The following EGFL7 variants were observed in gnomAD, a reference collection of about 807,000 sequenced individuals.
The protein encoded by EGFL7 is epidermal growth factor-like protein 7.
In EGFL7, 48 loss-of-function variants were observed where a neutral mutation model predicts 37.1. The ratio of observed to expected loss-of-function variants is 1.29; its 90% CI spans 1.03 to 1.65. The LOEUF (loss-of-function observed/expected upper bound fraction) is 1.65. EGFL7 is among the 40% of genes most tolerant of loss of function. The pLI is 0.00. For missense variants in EGFL7, 384 were observed against 378.9 expected, an observed-to-expected ratio of 1.01 and a Z score of -0.11; for synonymous variants, 180 against 156.8, an observed-to-expected ratio of 1.15 and a Z score of -1.10.
chr9:136,668,799 G>A lies in EGFL7; in HGVS notation c.197+126G>A. The A allele has an allele frequency of 3.3e-6, 3 of 906,708 alleles. No homozygotes were observed. In the South Asian group the frequency reaches 4.4e-5, roughly 13 times the overall value. 56.2% of individuals were successfully genotyped at this position (906,708 alleles called of 1,614,324 possible). A position where few individuals can be genotyped will look rare whatever the true frequency, so the allele number is the denominator to read the frequency against. On this transcript the variant is annotated intron_variant, in intron 5 of 10. Coordinates refer to ENST00000308874, the MANE Select transcript of EGFL7 (RefSeq NM_016215.5). Reference sequence around the variant, plus strand: ...GATGGGAAACTGAGGCCAGAGCCATGAGAGGGCTGCCTGAGATGGGCGACC... The same window carrying A: ...GATGGGAAACTGAGGCCAGAGCCATAAGAGGGCTGCCTGAGATGGGCGACC...
upstream of EGFL7, among the ~76,000 whole-genome samples, chr9:136,660,705 C>T (rs369926126): frequency 5.5e-4 from 84 of 152,202 alleles, no homozygotes; most frequent in East Asian, 0.016. Flanking sequence ...ATTCCTGCCC[C>T]GAGCTGTCCC....
chr9:136,670,548 C>G, intron 8 of EGFL7: 1 of 795,966 alleles, frequency 1.3e-6, no homozygotes, highest in Non-Finnish European at 2.3e-6. Flanking sequence ...AGAAGTGCCC[C>G]GTCCCGGGGT....
Position 136,672,676 on chromosome 9 carries a change from T to C in EGFL7, c.*390T>C, listed in dbSNP as rs1845997058. The C allele has an allele frequency of 3.6e-6, 1 of 280,888 alleles. No individual in the cohort carries two copies. Among genetic ancestry groups the C allele is most frequent in the Admixed American group, 4.6e-5 (1 of 21,538 alleles). 17.4% of individuals were successfully genotyped at this position (280,888 alleles called of 1,614,324 possible). A position where few individuals can be genotyped will look rare whatever the true frequency, so the allele number is the denominator to read the frequency against. On this transcript the variant is annotated 3_prime_UTR_variant, in exon 11 of 11. Coordinates refer to ENST00000308874, the MANE Select transcript of EGFL7 (RefSeq NM_016215.5). Reference sequence around the variant, plus strand: ...CCCCCAGCACAATAAAAATGAAACGTGAGCTGCTGTGTCAGTGGATGGACT... The same window carrying C: ...CCCCCAGCACAATAAAAATGAAACGCGAGCTGCTGTGTCAGTGGATGGACT...
chr9:136,662,237 C>T (rs1441042062), upstream of EGFL7, among the ~76,000 whole-genome samples: 1 of 152,230 alleles, frequency 6.6e-6, no homozygotes, highest in Non-Finnish European at 1.5e-5. Context: ...CCTGCTTGCC[C>T]ATCTCCAGGG....
upstream of EGFL7, among the ~76,000 whole-genome samples, chr9:136,661,911 C>A (rs1424042878): frequency 6.6e-6 from 1 of 152,214 alleles, no homozygotes. Context: ...AGGGCTCACA[C>A]CCCACGGACA....
intron 9 of EGFL7, 67 bp from the exon 10 acceptor site, chr9:136,671,859 C>T (rs1329389858): frequency 1.1e-5 from 16 of 1,439,246 alleles, no homozygotes; most frequent in Non-Finnish European, 1.3e-5. Context: ...CAGGGGTCCT[C>T]CCTAGACCCC....
intron 9 of EGFL7, among the ~76,000 whole-genome samples, chr9:136,671,479 C>T (rs538136644): frequency 2.0e-5 from 3 of 152,136 alleles, no homozygotes; most frequent in Non-Finnish European, 2.9e-5. Flanking sequence ...TGCTGACTGC[C>T]GAGGGGGCCC....
chr9:136,667,498 TC>T (rs1845550145), intron 3 of EGFL7, among the ~76,000 whole-genome samples: 1 of 152,172 alleles, frequency 6.6e-6, no homozygotes, highest in African/African-American at 2.4e-5. Context: ...GGCCCCTGGC[TC>T]CTGCTGCACA....
In EGFL7 at chr9:136,669,624, C is replaced by T. The variant is rs1588242191; in HGVS notation, c.216C>T (p.Ala72=). The T allele has an allele frequency of 6.2e-7, 1 of 1,611,158 alleles. No individual in the cohort carries two copies. Among genetic ancestry groups the T allele is most frequent in the Non-Finnish European group, 8.5e-7 (1 of 1,179,402 alleles). ...CSTYRTIYRT[A]YRRSPGLAPA... is the part of the protein sequence containing the mutation. ...CCCACAGAACCATCTATAGGACCGCCTACCGCCGCAGCCCTGGGCTGGCCC... is the reference window on the plus strand; with the variant it reads ...CCCACAGAACCATCTATAGGACCGCTTACCGCCGCAGCCCTGGGCTGGCCC... Residue 72 remains alanine, a synonymous_variant, in exon 6 of 11, where the codon GCC becomes GCT. Transcript: ENST00000308874.
chr9:136,671,611 C>A (rs189424286), intron 9 of EGFL7, among the ~76,000 whole-genome samples: 1 of 151,926 alleles, frequency 6.6e-6, no homozygotes, highest in Admixed American at 6.5e-5. Context: ...CGAGACCTCC[C>A]CACCCCCCCA....
At chr9:136,667,924 C>CGTAGCTGGAGCCATCCTTCCCG (rs1845575856) in intron 3 of EGFL7, among the ~76,000 whole-genome samples, 1 of 152,200 alleles carries the variant, frequency 6.6e-6, no homozygotes, top group South Asian at 2.1e-4. Flanking sequence ...AACGGCCACC[C>CGTAGCTGGAGCCATCCTTCCCG]GTAGCTGGAG....
chr9:136,659,752 C>T (rs1458374945), upstream of EGFL7: 1 of 152,408 alleles, frequency 6.6e-6, no homozygotes, highest in Admixed American at 6.5e-5. Context: ...GTGTGGGGCA[C>T]AAAGCTGGGA....
rs919868839 is a variant in EGFL7 at position 136,667,933 on chromosome 9, A to C, written c.-42-308A>C. Among the ~76,000 whole-genome samples, 3 of 152,154 alleles carry C rather than the reference A, an allele frequency of 2.0e-5. No individual in the cohort carries two copies. The South Asian group carries it at 6.2e-4, about 31-fold the overall frequency. Reference sequence around the variant, plus strand: ...AGGAGAAACGGCCACCCGTAGCTGGAGCCATCCTTCCCGGAGCCTCGGGCA... The same window carrying C: ...AGGAGAAACGGCCACCCGTAGCTGGCGCCATCCTTCCCGGAGCCTCGGGCA... On this transcript the variant is annotated intron_variant, in intron 3 of 10. Coordinates refer to ENST00000308874, the MANE Select transcript of EGFL7 (RefSeq NM_016215.5).
upstream of EGFL7, among the ~76,000 whole-genome samples, chr9:136,660,994 G>T (rs1845112241): frequency 6.6e-6 from 1 of 152,172 alleles, no homozygotes; most frequent in Non-Finnish European, 1.5e-5. Flanking sequence ...GGGCATGCAG[G>T]TGGGGGAGGA....
chr9:136,670,794 C>A, intron 8 of EGFL7, 156 bp from the exon 9 acceptor site: 1 of 768,794 alleles, frequency 1.3e-6, no homozygotes, highest in South Asian at 1.5e-5. Context: ...GGCGGCATAG[C>A]CCTGAGACCT....
At chr9:136,665,848 G>A (rs551384194) in intron 3 of EGFL7, 1 of 146,138 alleles carries the variant, frequency 6.8e-6, no homozygotes, top group South Asian at 2.1e-4. Flanking sequence ...GCGCGCCGGG[G>A]TCGGGGTCCG....
chr9:136,664,824 C>T (rs1845358373), intron 3 of EGFL7, 39 bp downstream of exon 3: 1 of 152,332 alleles, frequency 6.6e-6, no homozygotes, highest in South Asian at 2.1e-4. Flanking sequence ...GGGAACACTT[C>T]TCACACCGGC....
At chr9:136,672,185 C>T in intron 10 of EGFL7, 79 bp from the exon 11 acceptor site, 3 of 1,609,356 alleles carry the variant, frequency 1.9e-6, no homozygotes, top group Non-Finnish European at 2.5e-6. Context: ...GACCAAAGGC[C>T]AAGGGGCCAG....
chr9:136,668,396 G>C (rs113681795), intron 4 of EGFL7, 34 bp downstream of exon 4: 7 of 1,545,274 alleles, frequency 4.5e-6, no homozygotes, highest in East Asian at 4.6e-5. Context: ...GTGCTGGGGT[G>C]GGGGGACCGG....
Sources: allele counts gnomAD v4.1 joint callset (sites outside exome capture counted in the v4.1 genomes callset), GRCh38; gene constraint gnomAD v4.1.1; transcripts MANE v1.5; gene names NCBI Gene and HGNC (gene_info 2026-07-23, HGNC 2026-07-21).